ATG9A: variants seen among roughly 807,000 people sequenced by gnomAD.
ATG9A encodes autophagy related 9A.
A neutral mutation model predicts 87.1 loss-of-function variants in ATG9A; 21 were observed. That is an observed-to-expected ratio of 0.24 (90% confidence interval 0.17 to 0.35). The LOEUF is 0.35. Ranked by LOEUF, ATG9A falls within the 10% of genes least tolerant of loss-of-function variation. The probability of loss-of-function intolerance (pLI) is 1.00; values close to 1 mark genes in which losing one functional copy is unlikely to be tolerated. For synonymous variants in ATG9A, 422 were observed against 441.3 expected (o/e 0.96, Z 0.55); for missense variants, 836 against 1,107.3 (o/e 0.76, Z 3.48).
Position 219,224,419 on chromosome 2 carries a change from C to G in ATG9A, c.952G>C (p.Glu318Gln), listed in dbSNP as rs759078193. The G allele has an allele frequency of 5.0e-6, 8 of 1,613,962 alleles. No homozygotes were observed. Among genetic ancestry groups the G allele is most frequent in the Non-Finnish European group, 4.2e-6 (5 of 1,180,028 alleles). Residue 318 changes from glutamate to glutamine, a missense_variant, in exon 8 of 16, where the codon GAG (glutamate) becomes CAG (glutamine). By Grantham distance (29) the Glu-to-Gln change is conservative. Transcript: ENST00000361242. The surrounding 1 kb of genome is among the most constrained non-coding windows in gnomAD (Gnocchi z 7.7). ...QILYAFFSYA[E>Q]VLKREPGALG... Reference sequence around the variant, plus strand: ...GCCCCCGGCTCCCGCTTCAGCACCTCAGCATAGCTGAAGAAGGCATAGAGG... The same window carrying G: ...GCCCCCGGCTCCCGCTTCAGCACCTGAGCATAGCTGAAGAAGGCATAGAGG...
Position 219,219,847 on chromosome 2 carries a change from T to A in ATG9A, c.*600A>T, listed in dbSNP as rs1452418885. 1.3e-5 allele frequency: 2 copies of A among 152,828 alleles called. No individual in the cohort carries two copies. Among genetic ancestry groups the A allele is most frequent in the Non-Finnish European group, 2.9e-5 (2 of 68,414 alleles). 9.5% of individuals were successfully genotyped at this position (152,828 alleles called of 1,614,324 possible). A position where few individuals can be genotyped will look rare whatever the true frequency, so the allele number is the denominator to read the frequency against. On this transcript the variant is annotated 3_prime_UTR_variant, in exon 16 of 16. Transcript: ENST00000361242. The stretch of plus-strand genomic sequence containing the variant: ...TGAGGGGAGCTGGACGCTAGGGTCT[T>A]CACCCTAACGCAAAGCAAAAGCCGA...
chr2:219,222,674 A>T lies in ATG9A; in HGVS notation c.1819T>A (p.Ser607Thr). 6.2e-7 allele frequency: 1 copy of T among 1,614,142 alleles called. No individual in the cohort carries two copies. Among genetic ancestry groups the T allele is most frequent in the Non-Finnish European group, 8.5e-7 (1 of 1,180,006 alleles). Residue 607 changes from serine (S) to threonine (T), a missense_variant, in exon 11 of 16, where the codon TCT (serine) becomes ACT (threonine). Coordinates refer to ENST00000361242, the MANE Select transcript of ATG9A (RefSeq NM_001077198.3). This position sits in a 1 kb window ranked among gnomAD's most constrained non-coding sequence, Gnocchi z 4.3. ...GLLPENALFT[S>T]IQSLQSESEP... ...GACTCAGATTGTAAGGACTGGATAG[A>T]CGTAAAGAGGGCATTTTCAGGGAGC...
rs757539098 is a variant in ATG9A at position 219,220,294 on chromosome 2, G to T, written c.*153C>A. 1.9e-6 allele frequency: 2 copies of T among 1,026,722 alleles called. No homozygotes were observed. The highest frequency in any genetic ancestry group is 1.6e-5 in the African/African-American group (1 of 62,576). 63.6% of individuals were successfully genotyped at this position (1,026,722 alleles called of 1,614,324 possible). ...CTCTCCTGGGGCTGTGGCAAGCCCA[G>T]TGTTGGCACCTCCCTTGGCCAGGCA... On this transcript the variant is annotated 3_prime_UTR_variant, in exon 16 of 16. Coordinates refer to ENST00000361242, the MANE Select transcript of ATG9A (RefSeq NM_001077198.3).
chr2:219,224,540 C>G lies in ATG9A; in HGVS notation c.831G>C (p.Gly277=). The change falls in exon 8 of 16, where the codon GGG becomes GGC. Residue 277 remains glycine (G), a synonymous_variant. Coordinates refer to ENST00000361242, the MANE Select transcript of ATG9A (RefSeq NM_001077198.3). This position sits in a 1 kb window ranked among gnomAD's most constrained non-coding sequence, Gnocchi z 7.7. ...GGCGCTGGGCCAGCTCTAGCCGTTGCCCCCCACGTTTGTACTCGGCCTTGA... is the reference window on the plus strand; with the variant it reads ...GGCGCTGGGCCAGCTCTAGCCGTTGGCCCCCACGTTTGTACTCGGCCTTGA... ...WSLKAEYKRG[G]QRLELAQRLS... 1 of 1,614,132 alleles carries G rather than the reference C, an allele frequency of 6.2e-7. No individual in the cohort carries two copies. The highest frequency in any genetic ancestry group is 8.5e-7 in the Non-Finnish European group (1 of 1,180,022).
Position 219,226,888 on chromosome 2 carries a change from C to T in ATG9A, c.193G>A (p.Gly65Arg), listed in dbSNP as rs765623753. Residue 65 changes from glycine (G) to arginine (R), a missense_variant, in exon 5 of 16, where the codon GGG becomes AGG. Gly to Arg is a moderately radical substitution (Grantham distance 125). Coordinates refer to ENST00000361242, the MANE Select transcript of ATG9A (RefSeq NM_001077198.3). Reference protein sequence around the residue: ...QKNGFTCMLIGEIFELMQFLF... With the variant: ...QKNGFTCMLIREIFELMQFLF... ...ACTTACATGAGCTCAAAGATCTCCC[C>T]GATGAGCATACATGTGAAGCCATTC... The T allele has an allele frequency of 6.3e-5, 102 of 1,613,290 alleles. No individual in the cohort carries two copies. The highest frequency in any genetic ancestry group is 8.1e-5 in the Non-Finnish European group (95 of 1,179,316).
chr2:219,222,925 G>GTTCTCT lies in ATG9A; in HGVS notation c.1600-38_1600-33dup. The GTTCTCT allele has an allele frequency of 6.2e-7, 1 of 1,611,006 alleles. No homozygotes were observed. Among genetic ancestry groups the GTTCTCT allele is most frequent in the Non-Finnish European group, 8.5e-7 (1 of 1,178,458 alleles). The stretch of plus-strand genomic sequence containing the variant: ...AAGGAAGAGCAGAGTAAGCAGGGCT[G>GTTCTCT]TTCTCTTCCAGGAGCCTTCCTGCAC... On this transcript the variant is annotated intron_variant, in intron 10 of 15. Transcript: ENST00000361242. The surrounding 1 kb of genome is among the most constrained non-coding windows in gnomAD (Gnocchi z 4.3).
intron 5 of ATG9A, among the ~76,000 whole-genome samples, chr2:219,226,480 T>G (rs1574833372): frequency 6.6e-6 from 1 of 151,096 alleles, no homozygotes; most frequent in Non-Finnish European, 1.5e-5. Flanking sequence ...AGGTCAGGAG[T>G]TCGAGACCAG....
At position 219,229,109 on chromosome 2, in the gene ATG9A, C is replaced by A. The variant is rs1403191219; in HGVS notation, c.-82+426G>T. On this transcript the variant is annotated intron_variant, in intron 1 of 15. Transcript: ENST00000361242. This position sits in a 1 kb window ranked among gnomAD's most constrained non-coding sequence, Gnocchi z 4.2. ...GCCCTGCCCCTCAGGGAAGTCACCA[C>A]TCACAGGGTCAGTGTGGACCAGGGC... 1 of 152,202 alleles carries A rather than the reference C, an allele frequency of 6.6e-6. No individual in the cohort carries two copies. Among genetic ancestry groups the A allele is most frequent in the African/African-American group, 2.4e-5 (1 of 41,428 alleles). The allele number at this position is 152,202 out of a possible 1,614,324, so 9.4% of individuals were successfully genotyped here. A position where few individuals can be genotyped will look rare whatever the true frequency, so the allele number is the denominator to read the frequency against.
Position 219,224,810 on chromosome 2 carries a change from G to C in ATG9A, c.561C>G (p.Ile187Met). 6.2e-7 allele frequency: 1 copy of C among 1,614,204 alleles called. No individual in the cohort carries two copies. The highest frequency in any genetic ancestry group is 8.5e-7 in the Non-Finnish European group (1 of 1,180,042). ...YCTWQEVQAR[I>M]VQTQKEHQIC... The stretch of plus-strand genomic sequence containing the variant: ...TCTGGTGCTCCTTCTGCGTCTGCAC[G>C]ATCCGGGCCTGCACTTCTTGCCACG... Residue 187 changes from isoleucine to methionine, a missense_variant, in exon 8 of 16, where the codon ATC (isoleucine) becomes ATG (methionine). Physicochemically the swap from Ile to Met is conservative, Grantham distance 10. Coordinates refer to ENST00000361242, the MANE Select transcript of ATG9A (RefSeq NM_001077198.3). This position sits in a 1 kb window ranked among gnomAD's most constrained non-coding sequence, Gnocchi z 7.7.
At position 219,223,562 on chromosome 2, in the gene ATG9A, C is replaced by G. The variant is rs775909192; in HGVS notation, c.1599+23G>C. 2 of 1,574,292 alleles carry G rather than the reference C, an allele frequency of 1.3e-6. No individual in the cohort carries two copies. Among genetic ancestry groups the G allele is most frequent in the East Asian group, 2.2e-5 (1 of 44,566 alleles). On this transcript the variant is annotated intron_variant, in intron 10 of 15. Coordinates refer to ENST00000361242, the MANE Select transcript of ATG9A (RefSeq NM_001077198.3). This position sits in a 1 kb window ranked among gnomAD's most constrained non-coding sequence, Gnocchi z 4.7. ...ATGTTCCAGCATCATCCCAGGCCACCTGGCTCCCTCCTCTCCCAGTACCTG... is the reference window on the plus strand; with the variant it reads ...ATGTTCCAGCATCATCCCAGGCCACGTGGCTCCCTCCTCTCCCAGTACCTG...
chr2:219,227,718 T>G, intron 4 of ATG9A, 52 bp downstream of exon 4: 1 of 1,596,404 alleles, frequency 6.3e-7, no homozygotes, highest in South Asian at 1.1e-5. Context: ...GAGCCCCGGC[T>G]TAGAGAGACA....
In ATG9A at chr2:219,220,052, T is replaced by C; in HGVS notation, c.*395A>G. On this transcript the variant is annotated 3_prime_UTR_variant, in exon 16 of 16. Coordinates refer to ENST00000361242, the MANE Select transcript of ATG9A (RefSeq NM_001077198.3). ...TAGGGAAGGTTGCAGGGGTTGAGGG[T>C]CCAGGCCCAACCTCCCCACTCCACA... is the stretch of plus-strand genomic sequence containing the variant. 1 of 245,672 alleles carries C rather than the reference T, an allele frequency of 4.1e-6. No homozygotes were observed. The highest frequency in any genetic ancestry group is 8.0e-6 in the Non-Finnish European group (1 of 124,794). 15.2% of individuals were successfully genotyped at this position (245,672 alleles called of 1,614,324 possible).
At chr2:219,220,574 G>A (rs1342126406) in intron 15 of ATG9A, 122 bp from the exon 16 acceptor site, 1 of 1,523,940 alleles carries the variant, frequency 6.6e-7, no homozygotes, top group Non-Finnish European at 9.0e-7. Flanking sequence ...GTAAGGTAAG[G>A]AAAAACCAAG....
At position 219,223,810 on chromosome 2, in the gene ATG9A, G is replaced by A. The variant is rs558031031; in HGVS notation, c.1420-46C>T. On this transcript the variant is annotated intron_variant, in intron 9 of 15. Transcript: ENST00000361242. The surrounding 1 kb of genome is among the most constrained non-coding windows in gnomAD (Gnocchi z 4.7). The stretch of plus-strand genomic sequence containing the variant: ...TCACAAGCGAGCAGGAGGGAGCCCA[G>A]CCCTCACCACCGAGCTACCAGCCAG... The A allele has an allele frequency of 6.8e-6, 11 of 1,613,842 alleles. No individual in the cohort carries two copies. In the African/African-American group the frequency reaches 1.3e-4, roughly 20 times the overall value.
rs889952216 is a variant in ATG9A at position 219,222,481 on chromosome 2, G to C, written c.1849-31C>G. 1.9e-5 allele frequency: 29 copies of C among 1,542,748 alleles called. No individual in the cohort carries two copies. The highest frequency in any genetic ancestry group is 6.8e-5 in the East Asian group (3 of 44,290). ...AACGAAACGGGTAGGTAGAATTCTT[G>C]AGGCAAGAGAAAGGTCTCTGGGGTC... On this transcript the variant is annotated intron_variant, in intron 11 of 15. Coordinates refer to ENST00000361242, the MANE Select transcript of ATG9A (RefSeq NM_001077198.3). This position sits in a 1 kb window ranked among gnomAD's most constrained non-coding sequence, Gnocchi z 4.3.
chr2:219,225,560 A>C lies in ATG9A; in HGVS notation c.225T>G (p.Phe75Leu). Reference sequence around the variant, plus strand: ...CCAGGAAGGTAGTGAAGGCAACCACAAAGAGGAACTGCCTGGGGAGTTGGG... The same window carrying C: ...CCAGGAAGGTAGTGAAGGCAACCACCAAGAGGAACTGCCTGGGGAGTTGGG... ...GEIFELMQFL[F>L]VVAFTTFLVS... Residue 75 changes from phenylalanine to leucine, a missense_variant, in exon 6 of 16, where the codon TTT (phenylalanine) becomes TTG (leucine). Coordinates refer to ENST00000361242, the MANE Select transcript of ATG9A (RefSeq NM_001077198.3). 1 of 1,613,838 alleles carries C rather than the reference A, an allele frequency of 6.2e-7. No individual in the cohort carries two copies. Among genetic ancestry groups the C allele is most frequent in the Admixed American group, 1.7e-5 (1 of 59,924 alleles).
Position 219,225,547 on chromosome 2 carries a change from T to G in ATG9A, c.238A>C (p.Thr80Pro). The G allele has an allele frequency of 6.2e-7, 1 of 1,614,034 alleles. No individual in the cohort carries two copies. Among genetic ancestry groups the G allele is most frequent in the East Asian group, 2.2e-5 (1 of 44,878 alleles). ...LMQFLFVVAFTTFLVSCVDYD... is the reference protein window; with the variant it reads ...LMQFLFVVAFPTFLVSCVDYD... Reference sequence around the variant, plus strand: ...TCCACGCAGCTGACCAGGAAGGTAGTGAAGGCAACCACAAAGAGGAACTGC... The same window carrying G: ...TCCACGCAGCTGACCAGGAAGGTAGGGAAGGCAACCACAAAGAGGAACTGC... The change falls in exon 6 of 16, where the codon ACT (threonine) becomes CCT (proline). Residue 80 changes from threonine to proline, a missense_variant. Transcript: ENST00000361242.
Position 219,220,692 on chromosome 2 carries a change from C to G in ATG9A, c.2514+55G>C, listed in dbSNP as rs1409348262. The G allele has an allele frequency of 3.1e-6, 5 of 1,593,956 alleles. No homozygotes were observed. The African/African-American group carries it at 6.7e-5, about 21-fold the overall frequency. ...CTTCCTTCCCCTGAAAAGCTGTTAC[C>G]TCACCCTGGAAGTTACTATTTCTGG... On this transcript the variant is annotated intron_variant, in intron 15 of 15. Transcript: ENST00000361242.
At chr2:219,221,484 G>C (rs1350436290) in intron 13 of ATG9A, among the ~76,000 whole-genome samples, 182 bp from the exon 14 acceptor site, 8 of 152,134 alleles carry the variant, frequency 5.3e-5, no homozygotes, top group African/African-American at 1.9e-4. Flanking sequence ...ATTCACAGCA[G>C]ATCCCCGGAA....
Sources: gnomAD v4.1 joint callset for allele counts (sites outside exome capture counted in the v4.1 genomes callset) on GRCh38, gnomAD v4.1.1 for gene constraint, Gnocchi (gnomAD v3.1) non-coding constraint, MANE v1.5 for transcripts, NCBI Gene and HGNC (gene_info 2026-07-23, HGNC 2026-07-21) for gene names.